Variants in COL23A1 observed in about 807,000 individuals in gnomAD.
The protein encoded by COL23A1 is collagen type XXIII alpha 1 chain, also known as collagen alpha-1(XXIII) chain.
Under a neutral mutation model 99.3 loss-of-function variants are expected in COL23A1, and 97 were observed. The observed-to-expected ratio is 0.98, with a 90% CI of 0.83 to 1.16. The LOEUF (loss-of-function observed/expected upper bound fraction) is 1.16. Ranked by LOEUF, COL23A1 falls within the 50% of genes most tolerant of loss-of-function variation. The pLI, the probability that COL23A1 is intolerant of heterozygous loss-of-function variation, is 0.00. For missense variants in COL23A1, 762 were observed against 757.4 expected, an observed-to-expected ratio of 1.01 and a Z score of -0.07; for synonymous variants, 320 against 308.2, an observed-to-expected ratio of 1.04 and a Z score of -0.40.
chr5:178,249,716 A>ACACACACACACACACTCTCTCT, intron 18 of COL23A1, among the ~76,000 whole-genome samples: 34 of 92,808 alleles, frequency 3.7e-4, no homozygotes, highest in African/African-American at 1.4e-3. Context: ...ACACACACAC[A>ACACACACACACACACTCTCTCT]CTCTCTCTCT....
chr5:178,585,411 T>C (rs1313603152), intron 1 of COL23A1, among the ~76,000 whole-genome samples: 1 of 149,866 alleles, frequency 6.7e-6, no homozygotes, highest in Non-Finnish European at 1.5e-5. Flanking sequence ...GATGTGTGGG[T>C]AACACTCCAC....
At chr5:178,464,875 T>C (rs544699635) in intron 2 of COL23A1, among the ~76,000 whole-genome samples, 1 of 152,288 alleles carries the variant, frequency 6.6e-6, no homozygotes, top group East Asian at 1.9e-4. Flanking sequence ...GTTAACTCAG[T>C]TGCCCAAGGT....
chr5:178,368,084 A>G (rs1349948715), intron 2 of COL23A1, among the ~76,000 whole-genome samples: 1 of 152,168 alleles, frequency 6.6e-6, no homozygotes, highest in Non-Finnish European at 1.5e-5. Flanking sequence ...GAAGGGAGGG[A>G]GGATTTTGAT....
At chr5:178,264,955 C>T (rs190582948) in intron 8 of COL23A1, among the ~76,000 whole-genome samples, 1 of 152,162 alleles carries the variant, frequency 6.6e-6, no homozygotes, top group South Asian at 2.1e-4. Flanking sequence ...TGAAGATGAT[C>T]TTATTCAACC....
chr5:178,461,148 C>T (rs1391742160), intron 2 of COL23A1, among the ~76,000 whole-genome samples: 3 of 152,186 alleles, frequency 2.0e-5, no homozygotes, highest in South Asian at 2.1e-4. Context: ...CCGAATTCCT[C>T]GTGCTGCTTC....
Position 178,365,136 on chromosome 5 carries a change from C to CGTGTGTGTGTGTGT in COL23A1, c.362-58231_362-58218dup, listed in dbSNP as rs55995523. ...GGGCTTTATGATGTTGCTGTGTGTG[C>CGTGTGTGTGTGTGT]GTGTGTGTGTGTGTGTGTGTGTGTG... On this transcript the variant is annotated intron_variant, in intron 2 of 28. Transcript: ENST00000390654. This position sits in a 1 kb window ranked among gnomAD's most constrained non-coding sequence, Gnocchi z 5.2. Among the ~76,000 whole-genome samples, 313 of 147,902 alleles carry CGTGTGTGTGTGTGT rather than the reference C, an allele frequency of 2.1e-3. 3 individuals carry two copies. Among genetic ancestry groups the CGTGTGTGTGTGTGT allele is most frequent in the East Asian group, 0.02 (96 of 4,864 alleles).
At chr5:178,247,426 G>C in intron 22 of COL23A1, 100 bp downstream of exon 22, 1 of 1,379,078 alleles carries the variant, frequency 7.3e-7, no homozygotes, top group Non-Finnish European at 1.0e-6. Context: ...GGATGGGCCA[G>C]GGCGGAGCGT....
At chr5:178,397,065 G>A (rs1028311851) in intron 2 of COL23A1, among the ~76,000 whole-genome samples, 21 of 152,208 alleles carry the variant, frequency 1.4e-4, no homozygotes, top group Non-Finnish European at 2.9e-4. Flanking sequence ...GGCTTTCTGG[G>A]ACTCGGCTTG....
intron 2 of COL23A1, among the ~76,000 whole-genome samples, chr5:178,391,797 T>C (rs1163391795): frequency 6.6e-6 from 1 of 152,208 alleles, no homozygotes; most frequent in Non-Finnish European, 1.5e-5. Flanking sequence ...GCAACATTAT[T>C]AAAAATGGCC....
At chr5:178,483,117 T>C (rs1231369375) in intron 2 of COL23A1, among the ~76,000 whole-genome samples, 2 of 152,150 alleles carry the variant, frequency 1.3e-5, no homozygotes, top group Non-Finnish European at 2.9e-5. Flanking sequence ...TTTTATGTTA[T>C]GTACATTGTG....
At chr5:178,571,999 C>T (rs262069) in intron 1 of COL23A1, among the ~76,000 whole-genome samples, 2,762 of 145,292 alleles carry the variant, frequency 0.019, 88 homozygotes, top group African/African-American at 0.067. Flanking sequence ...ACCTGAGAGG[C>T]GGAGCTTGCA....
At chr5:178,389,346 C>A (rs1763839585) in intron 2 of COL23A1, among the ~76,000 whole-genome samples, 1 of 152,214 alleles carries the variant, frequency 6.6e-6, no homozygotes. Context: ...GCTACACTCT[C>A]CCCTGTGTGA....
chr5:178,406,500 G>A lies in COL23A1; in HGVS notation c.362-99581C>T, dbSNP rs145366753. Reference sequence around the variant, plus strand: ...GCTGGAGTGAAATGGCGACATCTCGGCTCACTGCAATCTCCGCCTCCTGGA... The same window carrying A: ...GCTGGAGTGAAATGGCGACATCTCGACTCACTGCAATCTCCGCCTCCTGGA... On this transcript the variant is annotated intron_variant, in intron 2 of 28. Transcript: ENST00000390654. Among the ~76,000 whole-genome samples, 1,100 of 151,182 alleles carry A rather than the reference G, an allele frequency of 7.3e-3. 7 individuals are homozygous for A. The highest frequency in any genetic ancestry group is 0.026 in the African/African-American group (1,062 of 41,116).
At chr5:178,400,467 C>T (rs567894035) in intron 2 of COL23A1, among the ~76,000 whole-genome samples, 1 of 24 alleles carries the variant, frequency 0.042, no homozygotes, top group African/African-American at 0.25. Context: ...ACAGCTCCGT[C>T]AGCCCCAAAC....
chr5:178,486,097 T>G (rs1757611900), intron 2 of COL23A1, among the ~76,000 whole-genome samples: 1 of 152,262 alleles, frequency 6.6e-6, no homozygotes, highest in Admixed American at 6.5e-5. Context: ...GGTCACTTTC[T>G]GATGTGGACG....
chr5:178,566,748 G>A (rs373898439), intron 1 of COL23A1, among the ~76,000 whole-genome samples: 4 of 151,948 alleles, frequency 2.6e-5, no homozygotes, highest in African/African-American at 9.7e-5. Context: ...CCCGGGAGGC[G>A]AAGGTTGCAG....
Position 178,470,784 on chromosome 5 carries a change from C to T in COL23A1, c.361+89898G>A, listed in dbSNP as rs199734285. 8.8e-3 allele frequency among the ~76,000 whole-genome samples: 536 copies of T among 60,626 alleles called. 10 individuals carry two copies. The highest frequency in any genetic ancestry group is 0.071 in the East Asian group (282 of 3,974). 39.8% of individuals were successfully genotyped at this position (60,626 alleles called of 152,430 possible). A position where few individuals can be genotyped will look rare whatever the true frequency, so the allele number is the denominator to read the frequency against. On this transcript the variant is annotated intron_variant, in intron 2 of 28. Coordinates refer to ENST00000390654, the MANE Select transcript of COL23A1 (RefSeq NM_173465.4). The stretch of plus-strand genomic sequence containing the variant: ...CCCATAAGACACTGGACCCAGATAC[C>T]TCCTGTCTCAAGGAGCCCACCGCCT...
intron 2 of COL23A1, among the ~76,000 whole-genome samples, chr5:178,532,784 G>A (rs647449): frequency 0.21 from 31,348 of 152,102 alleles, 3,311 homozygotes; most frequent in Non-Finnish European, 0.22. Flanking sequence ...TGGGATTTGG[G>A]TCATTACAAG....
At chr5:178,374,247 GCA>G (rs1310347436) in intron 2 of COL23A1, among the ~76,000 whole-genome samples, 2 of 152,108 alleles carry the variant, frequency 1.3e-5, no homozygotes, top group Non-Finnish European at 2.9e-5. Flanking sequence ...CCCAGCCTCT[GCA>G]CACCCTTCCC....
Sources: gnomAD v4.1 joint callset for allele counts (sites outside exome capture counted in the v4.1 genomes callset) on GRCh38, gnomAD v4.1.1 for gene constraint, Gnocchi (gnomAD v3.1) non-coding constraint, MANE v1.5 for transcripts, NCBI Gene and HGNC (gene_info 2026-07-23, HGNC 2026-07-21) for gene names.